Variants in CDH23 observed in about 807,000 individuals in gnomAD.
CDH23 encodes the protein cadherin-23.
Under a neutral mutation model 317.1 loss-of-function variants are expected in CDH23, and 189 were observed. The ratio of observed to expected loss-of-function variants is 0.60; its 90% CI spans 0.53 to 0.67. CDH23 has a LOEUF of 0.67. CDH23 is among the 30% of genes least tolerant of loss of function. CDH23 has a pLI of 0.00. For synonymous variants in CDH23, 1,839 were observed against 1,876.8 expected, an observed-to-expected ratio of 0.98 and a Z score of 0.52; for missense variants, 4,401 against 4,592.4, an observed-to-expected ratio of 0.96 and a Z score of 1.20.
chr10:71,780,068 G>A (rs1840912822), intron 41 of CDH23, among the ~76,000 whole-genome samples: 1 of 152,254 alleles, frequency 6.6e-6, no homozygotes, highest in Non-Finnish European at 1.5e-5. Flanking sequence ...CTCAGCTCCT[G>A]CCAGTAGTAG....
At chr10:71,629,501 C>A (rs1250021468) in intron 11 of CDH23, among the ~76,000 whole-genome samples, 2 of 152,152 alleles carry the variant, frequency 1.3e-5, no homozygotes, top group African/African-American at 2.4e-5. Context: ...TTGGCTCTCA[C>A]AGGAATGAGA....
At position 71,777,790 on chromosome 10, in the gene CDH23, C is replaced by T. The variant is rs1440265740; in HGVS notation, c.4956C>T (p.Thr1652=). ...ATGAGGGCCCAGACACGCTCAACAC[C>T]AGCCTCATCACCATCCAGGCACTGG... ...LLDEGPDTLN[T]SLITIQALDL... The change falls in exon 39 of 70, where the codon ACC becomes ACT. Residue 1652 remains threonine (T), a synonymous_variant. Coordinates refer to ENST00000224721, the MANE Select transcript of CDH23 (RefSeq NM_022124.6). The T allele has an allele frequency of 6.2e-7, 1 of 1,613,822 alleles. No individual in the cohort carries two copies. Among genetic ancestry groups the T allele is most frequent in the Non-Finnish European group, 8.5e-7 (1 of 1,179,880 alleles).
rs552027910 is a variant in CDH23, at chr10:71,729,430, G to A, written c.3580-1039G>A. Among the ~76,000 whole-genome samples, 90 of 152,300 alleles carry A rather than the reference G, an allele frequency of 5.9e-4. 1 individual carries two copies. Among genetic ancestry groups the A allele is most frequent in the African/African-American group, 2.0e-3 (83 of 41,570 alleles). Reference sequence around the variant, plus strand: ...TCCGTCCCCCAGGGAGCCCTAAAGCGTCCCCTCACTGCCCCAAACAGGGCC... The same window carrying A: ...TCCGTCCCCCAGGGAGCCCTAAAGCATCCCCTCACTGCCCCAAACAGGGCC... On this transcript the variant is annotated intron_variant, in intron 30 of 69. Coordinates refer to ENST00000224721, the MANE Select transcript of CDH23 (RefSeq NM_022124.6).
At chr10:71,591,862 G>T (rs1447205914) in intron 9 of CDH23, among the ~76,000 whole-genome samples, 1 of 152,076 alleles carries the variant, frequency 6.6e-6, no homozygotes, top group East Asian at 1.9e-4. Context: ...CTTGGAAATG[G>T]GGTGCACTAG....
At chr10:71,544,684 CA>C (rs2132296587) in intron 6 of CDH23, among the ~76,000 whole-genome samples, 1 of 152,296 alleles carries the variant, frequency 6.6e-6, no homozygotes, top group African/African-American at 2.4e-5. Context: ...ACCCCTCCCA[CA>C]ATCAGGCATG....
chr10:71,447,529 G>C (rs1057238612), intron 3 of CDH23, among the ~76,000 whole-genome samples: 1 of 152,066 alleles, frequency 6.6e-6, no homozygotes, highest in Non-Finnish European at 1.5e-5. Context: ...TTGTCCCCAC[G>C]GCCCAGTAGC....
chr10:71,410,332 G>A (rs1039520146), intron 1 of CDH23, among the ~76,000 whole-genome samples: 1 of 152,138 alleles, frequency 6.6e-6, no homozygotes, highest in Non-Finnish European at 1.5e-5. Context: ...TCATACCTAT[G>A]AGAAAGGCTG....
At chr10:71,597,253 G>T (rs1431345524) in intron 9 of CDH23, among the ~76,000 whole-genome samples, 1 of 152,120 alleles carries the variant, frequency 6.6e-6, no homozygotes, top group African/African-American at 2.4e-5. Context: ...CTGTCCCCTA[G>T]CTGGTCTCCG....
chr10:71,812,097 G>T, intron 66 of CDH23, 82 bp downstream of exon 66: 1 of 1,609,314 alleles, frequency 6.2e-7, no homozygotes, highest in Non-Finnish European at 8.5e-7. Context: ...GTCTCCCAGC[G>T]CTGGGGCTGC....
At chr10:71,482,086 C>T (rs999289666) in intron 3 of CDH23, among the ~76,000 whole-genome samples, 3 of 152,156 alleles carry the variant, frequency 2.0e-5, no homozygotes, top group East Asian at 3.9e-4. Flanking sequence ...TCCCTGGTGG[C>T]GGTCCCCATT....
intron 6 of CDH23, among the ~76,000 whole-genome samples, chr10:71,527,663 A>C (rs1855117140): frequency 6.6e-6 from 1 of 152,202 alleles, no homozygotes; most frequent in Non-Finnish European, 1.5e-5. Flanking sequence ...GCAGAGAAGC[A>C]AGACCAGGGC....
At chr10:71,463,543 G>T (rs560656298) in intron 3 of CDH23, among the ~76,000 whole-genome samples, 1 of 152,210 alleles carries the variant, frequency 6.6e-6, no homozygotes, top group African/African-American at 2.4e-5. Flanking sequence ...TCCCCACAGC[G>T]CTGGGAGAGG....
intron 3 of CDH23, among the ~76,000 whole-genome samples, chr10:71,498,976 T>C (rs1026479188): frequency 6.6e-6 from 1 of 152,194 alleles, no homozygotes; most frequent in African/African-American, 2.4e-5. Flanking sequence ...TGCGGCACTA[T>C]TTGCAATAGC....
chr10:71,566,602 C>A lies in CDH23; in HGVS notation c.430-140C>A, dbSNP rs1024804116. 7.7e-6 allele frequency: 5 copies of A among 648,454 alleles called. No individual in the cohort carries two copies. In the Admixed American group the frequency reaches 1.5e-4, roughly 19 times the overall value. 40.2% of individuals were successfully genotyped at this position (648,454 alleles called of 1,614,324 possible). ...AGATACCGCATTTTAAATTTTGGGG[C>A]CCCTCCTAGAATGAAAATGACAAGG... On this transcript the variant is annotated intron_variant, in intron 6 of 69. Coordinates refer to ENST00000224721, the MANE Select transcript of CDH23 (RefSeq NM_022124.6).
chr10:71,569,690 C>T (rs1386968039), intron 7 of CDH23, among the ~76,000 whole-genome samples: 3 of 152,196 alleles, frequency 2.0e-5, no homozygotes, highest in South Asian at 2.1e-4. Flanking sequence ...TACTCAGCCT[C>T]TCTGAGTCTC....
intron 9 of CDH23, among the ~76,000 whole-genome samples, chr10:71,598,779 C>T (rs889136258): frequency 1.3e-5 from 2 of 152,270 alleles, no homozygotes; most frequent in African/African-American, 2.4e-5. Context: ...TCCTGTTTCT[C>T]GCTTGCTCAG....
chr10:71,689,155 G>C (rs1237191711), intron 19 of CDH23, among the ~76,000 whole-genome samples: 22 of 147,816 alleles, frequency 1.5e-4, no homozygotes, highest in Admixed American at 3.4e-4. Flanking sequence ...GGTGGAGTCA[G>C]GGATGGTGGA....
rs1589375007 is a variant in CDH23, at chr10:71,724,125, G to A, written c.3430+20G>A. On this transcript the variant is annotated intron_variant, in intron 29 of 69. Coordinates refer to ENST00000224721, the MANE Select transcript of CDH23 (RefSeq NM_022124.6). Reference sequence around the variant, plus strand: ...TCCATGGTAAGTGGGGCTGCCCTAGGATGGGGGGCGGTCCTCCTGCCCAGG... The same window carrying A: ...TCCATGGTAAGTGGGGCTGCCCTAGAATGGGGGGCGGTCCTCCTGCCCAGG... 1 of 1,553,174 alleles carries A rather than the reference G, an allele frequency of 6.4e-7. No individual in the cohort carries two copies. Among genetic ancestry groups the A allele is most frequent in the Non-Finnish European group, 8.7e-7 (1 of 1,147,770 alleles).
chr10:71,654,323 G>A (rs1402115716), intron 14 of CDH23, among the ~76,000 whole-genome samples: 1 of 152,214 alleles, frequency 6.6e-6, no homozygotes, highest in East Asian at 1.9e-4. Context: ...CCCTGGCACA[G>A]GAGTTTATCA....
Sources: allele counts gnomAD v4.1 joint callset (sites outside exome capture counted in the v4.1 genomes callset), GRCh38; gene constraint gnomAD v4.1.1; transcripts MANE v1.5; gene names NCBI Gene and HGNC (gene_info 2026-07-23, HGNC 2026-07-21).